Variants in GRAP observed in about 807,000 individuals in gnomAD.
GRAP encodes GRB2 related adaptor protein, also known as GRB2-related adapter protein.
In GRAP, 2 loss-of-function variants were observed where a neutral mutation model predicts 9.1. The observed-to-expected ratio is 0.22, with a 90% CI of 0.09 to 0.69. The LOEUF is 0.69. Among genes scored for constraint, GRAP ranks in the 30% least tolerant of loss-of-function variants. GRAP has a pLI of 0.81. For synonymous variants in GRAP, 68 were observed against 73.6 expected (o/e 0.92, Z 0.39); for missense variants, 113 against 179.4 (o/e 0.63, Z 2.12).
chr17:19,025,714 G>A (rs1480101712), intron 3 of GRAP, among the ~76,000 whole-genome samples: 2 of 121,600 alleles, frequency 1.6e-5, no homozygotes, highest in Admixed American at 1.9e-4. Flanking sequence ...CCAGGTTCAC[G>A]CCATTCTCCT....
Position 19,021,895 on chromosome 17 carries a change from C to A in GRAP, c.*64G>T. On this transcript the variant is annotated 3_prime_UTR_variant, in exon 5 of 5. Transcript: ENST00000284154. The surrounding 1 kb of genome is among the most constrained non-coding windows in gnomAD (Gnocchi z 4.1). Reference sequence around the variant, plus strand: ...TGACTCTGACAGAGCTGGGGGTGTCCATGTCCTCTCTGGACCTCAGTTCCT... The same window carrying A: ...TGACTCTGACAGAGCTGGGGGTGTCAATGTCCTCTCTGGACCTCAGTTCCT... 7.1e-7 allele frequency: 1 copy of A among 1,418,264 alleles called. No individual in the cohort carries two copies. Among genetic ancestry groups the A allele is most frequent in the African/African-American group, 1.5e-5 (1 of 68,498 alleles). The allele number at this position is 1,418,264 out of a possible 1,614,324, so 87.9% of individuals were successfully genotyped here.
In GRAP at chr17:19,024,752, G is replaced by A. The variant is rs1238984848; in HGVS notation, c.300-369C>T. On this transcript the variant is annotated intron_variant, in intron 3 of 4. Coordinates refer to ENST00000284154, the MANE Select transcript of GRAP (RefSeq NM_006613.4). The surrounding 1 kb of genome is among the most constrained non-coding windows in gnomAD (Gnocchi z 4.2). ...CAACGTGAAATGGGTACCTCTGAGT[G>A]TGTCGTGATCAGAGAGCATCTCCTT... Among the ~76,000 whole-genome samples the A allele has an allele frequency of 6.6e-6, 1 of 152,174 alleles. No homozygotes were observed. The highest frequency in any genetic ancestry group is 6.5e-5 in the Admixed American group (1 of 15,276).
Position 19,021,910 on chromosome 17 carries a change from C to T in GRAP, c.*49G>A. Reference sequence around the variant, plus strand: ...TGGGGGTGTCCATGTCCTCTCTGGACCTCAGTTCCTGTAAAAAGGCCCGTT... The same window carrying T: ...TGGGGGTGTCCATGTCCTCTCTGGATCTCAGTTCCTGTAAAAAGGCCCGTT... On this transcript the variant is annotated 3_prime_UTR_variant, in exon 5 of 5. Coordinates refer to ENST00000284154, the MANE Select transcript of GRAP (RefSeq NM_006613.4). This position sits in a 1 kb window ranked among gnomAD's most constrained non-coding sequence, Gnocchi z 4.1. 2 of 1,447,762 alleles carry T rather than the reference C, an allele frequency of 1.4e-6. No homozygotes were observed. The highest frequency in any genetic ancestry group is 1.8e-6 in the Non-Finnish European group (2 of 1,099,432). 89.7% of individuals were successfully genotyped at this position (1,447,762 alleles called of 1,614,324 possible). A position where few individuals can be genotyped will look rare whatever the true frequency, so the allele number is the denominator to read the frequency against.
chr17:19,021,858 C>T lies in GRAP; in HGVS notation c.*101G>A. 1 of 1,276,618 alleles carries T rather than the reference C, an allele frequency of 7.8e-7. No homozygotes were observed. 79.1% of individuals were successfully genotyped at this position (1,276,618 alleles called of 1,614,324 possible). On this transcript the variant is annotated 3_prime_UTR_variant, in exon 5 of 5. Coordinates refer to ENST00000284154, the MANE Select transcript of GRAP (RefSeq NM_006613.4). This position sits in a 1 kb window ranked among gnomAD's most constrained non-coding sequence, Gnocchi z 4.1. Reference sequence around the variant, plus strand: ...CCCACGTTCAGTCCAAGGCCGTCCACTGAGCCCCGTGTGACTCTGACAGAG... The same window carrying T: ...CCCACGTTCAGTCCAAGGCCGTCCATTGAGCCCCGTGTGACTCTGACAGAG...
Position 19,027,378 on chromosome 17 carries a change from T to C in GRAP, c.300-2995A>G, listed in dbSNP as rs927434388. Among the ~76,000 whole-genome samples the C allele has an allele frequency of 6.1e-5, 9 of 148,030 alleles. 2 individuals are homozygous for C. The highest frequency in any genetic ancestry group is 3.5e-4 in the Admixed American group (5 of 14,284). The stretch of plus-strand genomic sequence containing the variant: ...GGAGGTAGATAGCCCCTCAGCCTCC[T>C]GAGCCACAGGCTAGGGATCTTTTTG... On this transcript the variant is annotated intron_variant, in intron 3 of 4. Transcript: ENST00000284154.
In GRAP at chr17:19,027,607, G is replaced by A. The variant is rs1442309988; in HGVS notation, c.300-3224C>T. Among the ~76,000 whole-genome samples the A allele has an allele frequency of 2.2e-5, 3 of 135,392 alleles. No individual in the cohort carries two copies. In the Admixed American group the frequency reaches 2.3e-4, roughly 11 times the overall value. 88.8% of individuals were successfully genotyped at this position (135,392 alleles called of 152,430 possible). On this transcript the variant is annotated intron_variant, in intron 3 of 4. Coordinates refer to ENST00000284154, the MANE Select transcript of GRAP (RefSeq NM_006613.4). ...ATTTGCAAGCTTGGGTTCACCCACA[G>A]CCTGAGTTCCTTCAGGTCTATGGTT...
In GRAP at chr17:19,024,527, C is replaced by T; in HGVS notation, c.300-144G>A. The T allele has an allele frequency of 7.2e-7, 1 of 1,383,712 alleles. No homozygotes were observed. The highest frequency in any genetic ancestry group is 9.6e-7 in the Non-Finnish European group (1 of 1,044,542). The allele number at this position is 1,383,712 out of a possible 1,614,324, so 85.7% of individuals were successfully genotyped here. On this transcript the variant is annotated intron_variant, in intron 3 of 4. Transcript: ENST00000284154. The surrounding 1 kb of genome is among the most constrained non-coding windows in gnomAD (Gnocchi z 4.2). ...AGATAAGGTGCAAGTGGGAGAGGCC[C>T]CACTGACCCAGCTCCACATGGGGTC... is the stretch of plus-strand genomic sequence containing the variant.
chr17:19,027,484 G>GTGCACA (rs1555583246), intron 3 of GRAP, among the ~76,000 whole-genome samples: 2 of 121,114 alleles, frequency 1.7e-5, no homozygotes, highest in East Asian at 5.5e-4. Context: ...GCGCGCGCGC[G>GTGCACA]CACACACACA....
At chr17:19,043,462 T>C (rs983555799) in intron 1 of GRAP, among the ~76,000 whole-genome samples, 1 of 152,264 alleles carries the variant, frequency 6.6e-6, no homozygotes, top group Non-Finnish European at 1.5e-5. Flanking sequence ...CCGTCTCTAC[T>C]AAAAATACAA....
chr17:19,025,385 G>A (rs1407111390), intron 3 of GRAP, among the ~76,000 whole-genome samples: 2 of 147,332 alleles, frequency 1.4e-5, no homozygotes, highest in South Asian at 2.2e-4. Flanking sequence ...GTAGAGACGG[G>A]GTTTCACCAT....
intron 4 of GRAP, among the ~76,000 whole-genome samples, chr17:19,022,768 C>T (rs1006541325): frequency 7.9e-5 from 12 of 152,180 alleles, no homozygotes; most frequent in Admixed American, 7.2e-4. Flanking sequence ...TGCCTGGCAC[C>T]GTGACTATTG....
upstream of GRAP, among the ~76,000 whole-genome samples, chr17:19,049,260 G>GC (rs2044388538): frequency 2.4e-5 from 1 of 42,392 alleles, no homozygotes; most frequent in Admixed American, 2.7e-4. Flanking sequence ...CAACTCCTTC[G>GC]CCGCATGGCC....
chr17:19,023,222 G>A (rs1292876305), intron 4 of GRAP, among the ~76,000 whole-genome samples: 2 of 152,126 alleles, frequency 1.3e-5, no homozygotes, highest in Admixed American at 1.3e-4. Context: ...GTCTCTCAAG[G>A]CACTGTTTGA....
At chr17:19,025,059 T>A (rs1423858613) in intron 3 of GRAP, among the ~76,000 whole-genome samples, 1 of 152,206 alleles carries the variant, frequency 6.6e-6, no homozygotes, top group African/African-American at 2.4e-5. Context: ...TCCTCTCCGA[T>A]GAAGCAAGCA....
At chr17:19,023,055 A>C (rs2044286041) in intron 4 of GRAP, among the ~76,000 whole-genome samples, 1 of 152,188 alleles carries the variant, frequency 6.6e-6, no homozygotes, top group South Asian at 2.1e-4. Flanking sequence ...ACACTCTTCC[A>C]AGGCAGAGCT....
At chr17:19,027,826 TA>T (rs1438326293) in intron 3 of GRAP, among the ~76,000 whole-genome samples, 2 of 124,270 alleles carry the variant, frequency 1.6e-5, no homozygotes, top group Non-Finnish European at 3.4e-5. Context: ...GTATGAGGCG[TA>T]GGGCAAAATG....
chr17:19,048,423 GT>G (rs970898877), upstream of GRAP, among the ~76,000 whole-genome samples: 2 of 109,404 alleles, frequency 1.8e-5, no homozygotes, highest in East Asian at 8.9e-4. Flanking sequence ...AAGTCACATT[GT>G]TTTTTTTCTG....
At chr17:19,043,537 G>A (rs2044370092) in intron 1 of GRAP, among the ~76,000 whole-genome samples, 1 of 152,276 alleles carries the variant, frequency 6.6e-6, no homozygotes, top group Admixed American at 6.5e-5. Flanking sequence ...GCTGAGGCAG[G>A]AGAATCACTT....
rs200201794 is a variant in GRAP at position 19,024,254 on chromosome 17, C to A, written c.429G>T (p.Lys143Asn). ...DFYRTTTIAKKRQIFLRDEEP... is the reference protein window; with the variant it reads ...DFYRTTTIAKNRQIFLRDEEP... ...CCTCGTCGCGCAGGAAGATCTGCCG[C>A]TTCTTGGCGATGGTGGTGGTGCGGT... The change falls in exon 4 of 5, where the codon AAG becomes AAT. Residue 143 changes from lysine (K) to asparagine (N), a missense_variant. Around this residue, in one of 2 missense-constraint regions of GRAP, gnomAD observed 113 missense variants for 163.3 expected, o/e 0.69. Transcript: ENST00000284154. This position sits in a 1 kb window ranked among gnomAD's most constrained non-coding sequence, Gnocchi z 4.2. 3.7e-6 allele frequency: 6 copies of A among 1,603,554 alleles called. No individual in the cohort carries two copies. The highest frequency in any genetic ancestry group is 1.1e-5 in the South Asian group (1 of 89,144).
Sources: gnomAD v4.1 joint callset for allele counts (sites outside exome capture counted in the v4.1 genomes callset) on GRCh38, gnomAD v4.1.1 for gene constraint, gnomAD v4.1.1 regional missense constraint, Gnocchi (gnomAD v3.1) non-coding constraint, MANE v1.5 for transcripts, NCBI Gene and HGNC (gene_info 2026-07-23, HGNC 2026-07-21) for gene names.